Variants in ANO4 observed in about 807,000 individuals in gnomAD.
The protein encoded by ANO4 is anoctamin 4.
In ANO4, 69 loss-of-function variants were observed where a neutral mutation model predicts 141.9. The observed-to-expected ratio is 0.49, with a 90% CI of 0.40 to 0.59. ANO4 has a LOEUF of 0.59. Among genes scored for constraint, ANO4 ranks in the 20% least tolerant of loss-of-function variants. The pLI, the probability that ANO4 is intolerant of heterozygous loss-of-function variation, is 0.00. For missense variants in ANO4, 894 were observed against 1,162.2 expected (o/e 0.77, Z 3.36); for synonymous variants, 350 against 394.3 (o/e 0.89, Z 1.33).
intron 5 of ANO4, among the ~76,000 whole-genome samples, chr12:100,953,313 C>G (rs915480450): frequency 6.6e-6 from 1 of 152,144 alleles, no homozygotes; most frequent in Non-Finnish European, 1.5e-5. Flanking sequence ...TTTGAAGCAG[C>G]CTGGAGAACT....
chr12:100,799,578 G>GAAAAATAC (rs2034555161), intron 1 of ANO4, among the ~76,000 whole-genome samples: 2 of 151,952 alleles, frequency 1.3e-5, no homozygotes, highest in Admixed American at 6.6e-5. Context: ...TCCATCTTAC[G>GAAAAATAC]AAAAATACAA....
At chr12:100,820,699 GAAC>G (rs1452091957) in intron 1 of ANO4, among the ~76,000 whole-genome samples, 2 of 152,142 alleles carry the variant, frequency 1.3e-5, no homozygotes, top group Non-Finnish European at 2.9e-5. Context: ...TTGAGATTCT[GAAC>G]TACCTCCACC....
intron 8 of ANO4, among the ~76,000 whole-genome samples, chr12:100,995,386 A>G (rs761704043): frequency 1.3e-5 from 2 of 152,190 alleles, no homozygotes; most frequent in East Asian, 1.9e-4. Flanking sequence ...GAGAACAACA[A>G]TAGTGATGAG....
chr12:101,112,663 CCCAAGGAGTTAAGTGCCA>C (rs2050705938), intron 24 of ANO4, among the ~76,000 whole-genome samples: 1 of 152,102 alleles, frequency 6.6e-6, no homozygotes. Context: ...GCTGATCGAC[CCCAAGGAGTTAAGTGCCA>C]CCAAAGCAAA....
chr12:100,811,716 C>T (rs2035447067), intron 1 of ANO4, among the ~76,000 whole-genome samples: 1 of 152,166 alleles, frequency 6.6e-6, no homozygotes. Flanking sequence ...CTTTAGTTAA[C>T]TGTACAGTAA....
At chr12:100,918,452 A>G (rs1300537676) in intron 2 of ANO4, among the ~76,000 whole-genome samples, 1 of 152,106 alleles carries the variant, frequency 6.6e-6, no homozygotes, top group Non-Finnish European at 1.5e-5. Flanking sequence ...TTCCTGTTAT[A>G]TTTTTCTAGT....
At chr12:100,793,915 C>G (rs1670433291), upstream of ANO4, among the ~76,000 whole-genome samples, 1 of 152,180 alleles carries the variant, frequency 6.6e-6, no homozygotes, top group Admixed American at 6.5e-5. Flanking sequence ...TGCTCCTTTG[C>G]TCCTTCTGTT....
chr12:100,956,848 A>G (rs2043193732), intron 5 of ANO4, among the ~76,000 whole-genome samples: 1 of 152,226 alleles, frequency 6.6e-6, no homozygotes, highest in East Asian at 1.9e-4. Flanking sequence ...TTGATTCCTT[A>G]TGTCACATAA....
At chr12:100,788,557 G>A (rs2033943326) in intron 3 of ANO4, among the ~76,000 whole-genome samples, 1 of 152,156 alleles carries the variant, frequency 6.6e-6, no homozygotes, top group Non-Finnish European at 1.5e-5. Flanking sequence ...ACTACCCTGA[G>A]CTCCATACTA....
chr12:100,768,036 C>A (rs369172130), intron 3 of ANO4, among the ~76,000 whole-genome samples: 2 of 152,018 alleles, frequency 1.3e-5, no homozygotes, highest in South Asian at 2.1e-4. Flanking sequence ...TCCCTTGGGC[C>A]ATGGGGGCTG....
At chr12:100,733,799 T>C (rs754101079) in exon 2 of ANO4, 71 of 702,212 alleles carry the variant, frequency 1.0e-4, no homozygotes, top group Non-Finnish European at 1.5e-4. Context: ...GCGGAAGTTA[T>C]AACCTTTCCT....
rs144434620 is a variant in ANO4, at chr12:100,786,891, A to G, written c.358+46786A>G. 6.6e-4 allele frequency among the ~76,000 whole-genome samples: 101 copies of G among 152,288 alleles called. 1 individual carries two copies. The East Asian group carries it at 0.018, about 27-fold the overall frequency. ...CTGAAGAATTTTTTCTTTTTAGCCA[A>G]TCATACTCTAAATAATTCTACAGAT... On this transcript the variant is annotated intron_variant, in intron 3 of 29. Coordinates refer to the ANO4 transcript ENST00000644049.
intron 1 of ANO4, among the ~76,000 whole-genome samples, chr12:100,725,508 G>C (rs867934195): frequency 6.6e-6 from 1 of 151,890 alleles, no homozygotes. Context: ...CACCACGCCC[G>C]GCTAATTTTT....
intron 1 of ANO4, among the ~76,000 whole-genome samples, chr12:100,844,095 G>T (rs1413351737): frequency 6.6e-6 from 1 of 152,086 alleles, no homozygotes; most frequent in African/African-American, 2.4e-5. Context: ...AATGCAAGGT[G>T]CCTGCCTTCA....
chr12:101,109,011 C>T (rs1468317512), intron 22 of ANO4, among the ~76,000 whole-genome samples: 2 of 152,148 alleles, frequency 1.3e-5, no homozygotes, highest in African/African-American at 4.8e-5. Context: ...TCCTTAGTTT[C>T]TTTTAATCAA....
At chr12:101,067,421 G>A (rs1237811583) in intron 14 of ANO4, among the ~76,000 whole-genome samples, 1 of 152,220 alleles carries the variant, frequency 6.6e-6, no homozygotes, top group Non-Finnish European at 1.5e-5. Context: ...AGGAGGCCAT[G>A]CCTGTAATCC....
chr12:100,784,652 T>C (rs1478028274), intron 3 of ANO4, among the ~76,000 whole-genome samples: 2 of 152,198 alleles, frequency 1.3e-5, no homozygotes, highest in Non-Finnish European at 2.9e-5. Context: ...ACAAAATAAA[T>C]CTAAAATGGG....
chr12:100,848,676 G>A (rs1245507556), intron 1 of ANO4, among the ~76,000 whole-genome samples: 1 of 152,018 alleles, frequency 6.6e-6, no homozygotes, highest in Non-Finnish European at 1.5e-5. Context: ...TTCTGCACGC[G>A]ACCCCCTCAC....
intron 1 of ANO4, among the ~76,000 whole-genome samples, chr12:100,824,810 T>A (rs2036244122): frequency 6.6e-6 from 1 of 152,038 alleles, no homozygotes; most frequent in African/African-American, 2.4e-5. Context: ...GCCATATATT[T>A]TGTTTTAATT....
Sources: gnomAD v4.1 joint callset for allele counts (sites outside exome capture counted in the v4.1 genomes callset) on GRCh38, gnomAD v4.1.1 for gene constraint, MANE v1.5 for transcripts, NCBI Gene and HGNC (gene_info 2026-07-23, HGNC 2026-07-21) for gene names.